Variants in BUD13 observed in about 807,000 individuals in gnomAD.
The protein encoded by BUD13 is BUD13 spliceosome associated protein.
Under a neutral mutation model 62.5 loss-of-function variants are expected in BUD13, and 47 were observed. The observed-to-expected ratio is 0.75, with a 90% CI of 0.60 to 0.96. The LOEUF (loss-of-function observed/expected upper bound fraction) is 0.96. BUD13 is among the 40% of genes least tolerant of loss of function. BUD13 has a pLI of 0.00. For synonymous variants in BUD13, 293 were observed against 280.1 expected (o/e 1.05, Z -0.46); for missense variants, 821 against 790.9 (o/e 1.04, Z -0.46).
At chr11:116,757,693 T>C (rs749422656) in intron 8 of BUD13, 73 bp downstream of exon 8, 12 of 1,408,502 alleles carry the variant, frequency 8.5e-6, no homozygotes, top group African/African-American at 1.4e-5. Context: ...TCTTTGCATA[T>C]AGCTATGTAT....
rs1311594761 is a variant in BUD13 at position 116,759,158 on chromosome 11, C to T, written c.1276G>A (p.Ala426Thr). The T allele has an allele frequency of 1.2e-6, 2 of 1,613,922 alleles. No homozygotes were observed. The highest frequency in any genetic ancestry group is 1.3e-5 in the African/African-American group (1 of 74,912). Residue 426 changes from alanine (A) to threonine (T), a missense_variant, in exon 6 of 10, where the codon GCT (alanine) becomes ACT (threonine). Physicochemically the swap from Ala to Thr is moderately conservative, Grantham distance 58 (BLOSUM62 0). Around this residue, in one of 2 missense-constraint regions of BUD13, gnomAD observed 800 missense variants for 739.2 expected, o/e 1.08. Transcript: ENST00000260210. ...GKKAAHMYSG[A>T]KTGLVLTDIQ... ...TCAGTTAACACCAACCCAGTTTTAG[C>T]CCCAGAATACATGTGTGCAGCCTAT...
chr11:116,748,345 C>T lies in BUD13; in HGVS notation c.*137G>A. 1 of 706,008 alleles carries T rather than the reference C, an allele frequency of 1.4e-6. No homozygotes were observed. Among genetic ancestry groups the T allele is most frequent in the South Asian group, 1.8e-5 (1 of 54,998 alleles). The allele number at this position is 706,008 out of a possible 1,614,324, so 43.7% of individuals were successfully genotyped here. On this transcript the variant is annotated 3_prime_UTR_variant, in exon 10 of 10. Coordinates refer to ENST00000260210, the MANE Select transcript of BUD13 (RefSeq NM_032725.4). ...CAAACATCAGGTCTCGAATATTCTT[C>T]TGTGGTCAAAACTGGCATTCAACAA...
At chr11:116,769,032 A>AAAAAC (rs1940580074) in intron 2 of BUD13, among the ~76,000 whole-genome samples, 1 of 151,410 alleles carries the variant, frequency 6.6e-6, no homozygotes, top group Admixed American at 6.6e-5. Context: ...AAAAAAAAAA[A>AAAAAC]AGAATTTTGC....
At chr11:116,771,342 C>G (rs1274634348) in intron 1 of BUD13, among the ~76,000 whole-genome samples, 1 of 152,080 alleles carries the variant, frequency 6.6e-6, no homozygotes, top group African/African-American at 2.4e-5. Context: ...TTTTTGTTCA[C>G]AGAGGCATCC....
At chr11:116,752,404 G>C (rs1455908938) in intron 9 of BUD13, among the ~76,000 whole-genome samples, 1 of 152,030 alleles carries the variant, frequency 6.6e-6, no homozygotes. Flanking sequence ...AAGCAAGGGT[G>C]ACAAAGGGAA....
chr11:116,769,578 C>G (rs1940586432), intron 2 of BUD13, among the ~76,000 whole-genome samples: 1 of 152,150 alleles, frequency 6.6e-6, no homozygotes, highest in South Asian at 2.1e-4. Flanking sequence ...ACACTGATGT[C>G]GAGAAGTCCT....
intron 2 of BUD13, 55 bp downstream of exon 2, chr11:116,770,073 AG>A: frequency 3.0e-6 from 4 of 1,352,460 alleles, no homozygotes; most frequent in South Asian, 2.6e-5. Context: ...AAAAAAAAAA[AG>A]GAAATTGAGA....
intron 8 of BUD13, among the ~76,000 whole-genome samples, 165 bp downstream of exon 8, chr11:116,757,601 G>A (rs1940352292): frequency 1.3e-5 from 2 of 151,980 alleles, no homozygotes; most frequent in Non-Finnish European, 2.9e-5. Context: ...CGCCTGGCCT[G>A]GAAAAATTTT....
chr11:116,772,901 C>T lies in BUD13; in HGVS notation c.64G>A (p.Ala22Thr), dbSNP rs35585096. 5.0e-6 allele frequency: 8 copies of T among 1,590,216 alleles called. No homozygotes were observed. In the Admixed American group the frequency reaches 5.1e-5, roughly 10 times the overall value. The change falls in exon 1 of 10, where the codon GCC (alanine) becomes ACC (threonine). Residue 22 changes from alanine to threonine, a missense_variant. Physicochemically the swap from Ala to Thr is moderately conservative, Grantham distance 58. Around this residue, in one of 2 missense-constraint regions of BUD13, gnomAD observed 800 missense variants for 739.2 expected, o/e 1.08. Transcript: ENST00000260210. ...GACTCAGATCCCCGGTCGACGCCGGCATCTGCCCCGGACAAGTAACGCTTC... is the reference window on the plus strand; with the variant it reads ...GACTCAGATCCCCGGTCGACGCCGGTATCTGCCCCGGACAAGTAACGCTTC... ...YLKRYLSGAD[A>T]GVDRGSESGR...
chr11:116,756,258 T>C (rs1404540054), intron 9 of BUD13, among the ~76,000 whole-genome samples: 2 of 151,978 alleles, frequency 1.3e-5, no homozygotes, highest in East Asian at 3.9e-4. Context: ...AAGCCTGTAA[T>C]ACCAGCACTT....
chr11:116,770,186 A>G lies in BUD13; in HGVS notation c.180T>C (p.Ala60=), dbSNP rs1472125053. 1.9e-6 allele frequency: 3 copies of G among 1,613,816 alleles called. No individual in the cohort carries two copies. Among genetic ancestry groups the G allele is most frequent in the Admixed American group, 3.3e-5 (2 of 59,988 alleles). ...RIVDDDVSWT[A]ISTTKLEKEE... ...CCTTTTCTAGTTTGGTTGTGGAGAT[A>G]GCTGTCCAGCTCACATCATCATCCA... Residue 60 remains alanine, a synonymous_variant, in exon 2 of 10, where the codon GCT becomes GCC. Transcript: ENST00000260210.
In BUD13 at chr11:116,765,320, C is replaced by A. The variant is rs188122251; in HGVS notation, c.322+42G>T. On this transcript the variant is annotated intron_variant, in intron 3 of 9. Transcript: ENST00000260210. ...GTATAGAAAAGGAAAAAAGATCTCCCCTACTAATGGAAATTTAGATTTATC... is the reference window on the plus strand; with the variant it reads ...GTATAGAAAAGGAAAAAAGATCTCCACTACTAATGGAAATTTAGATTTATC... 92 of 1,587,590 alleles carry A rather than the reference C, an allele frequency of 5.8e-5. 1 individual carries two copies. The East Asian group carries it at 1.4e-3, about 25-fold the overall frequency.
At position 116,763,232 on chromosome 11, in the gene BUD13, A is replaced by G; in HGVS notation, c.357T>C (p.Phe119=). 1 of 1,548,324 alleles carries G rather than the reference A, an allele frequency of 6.5e-7. No individual in the cohort carries two copies. The highest frequency in any genetic ancestry group is 8.7e-7 in the Non-Finnish European group (1 of 1,148,146). The change falls in exon 4 of 10, where the codon TTT becomes TTC. Residue 119 remains phenylalanine (F), a synonymous_variant. Coordinates refer to ENST00000260210, the MANE Select transcript of BUD13 (RefSeq NM_032725.4). ...HNEDLPSNRH[F]RHDTPDSSPR... is the part of the protein sequence containing the mutation. The stretch of plus-strand genomic sequence containing the variant: ...GAGATGAATCCGGGGTATCGTGACG[A>G]AAATGTCTGTTTGAGGGTAGGTCTT...
At chr11:116,765,916 C>A (rs1940523219) in intron 2 of BUD13, among the ~76,000 whole-genome samples, 1 of 152,212 alleles carries the variant, frequency 6.6e-6, no homozygotes, top group South Asian at 2.1e-4. Flanking sequence ...AAAAGAGCCA[C>A]TGAGATGTAC....
intron 9 of BUD13, 111 bp from the exon 10 acceptor site, chr11:116,748,686 T>C (rs1444129908): frequency 5.2e-6 from 6 of 1,163,586 alleles, no homozygotes; most frequent in African/African-American, 3.1e-5. Flanking sequence ...TAAGGAGTCA[T>C]ATGAAAATAT....
chr11:116,752,858 T>C (rs562036960), intron 9 of BUD13, among the ~76,000 whole-genome samples: 3 of 152,290 alleles, frequency 2.0e-5, no homozygotes, highest in Admixed American at 2.0e-4. Flanking sequence ...CTTAAACTCC[T>C]GGGTTCAAGC....
In BUD13 at chr11:116,758,305, G is replaced by C. The variant is rs1432172441; in HGVS notation, c.1463C>G (p.Ser488Ter). The change falls in exon 7 of 10, where the codon TCA becomes TGA. Residue 488 changes from serine (S) to a stop codon, truncating the protein, a stop_gained. Coordinates refer to ENST00000260210, the MANE Select transcript of BUD13 (RefSeq NM_032725.4). LOFTEE classifies it high-confidence loss of function. ...LEQRRKAEKD[S>*]ERDELYAQWG... The stretch of plus-strand genomic sequence containing the variant: ...CTGGGCATACAGCTCATCTCTCTCT[G>C]AGTCCTTTTCTGCTTTCCTCCTTTG... 8 of 1,614,024 alleles carry C rather than the reference G, an allele frequency of 5.0e-6. No homozygotes were observed. The highest frequency in any genetic ancestry group is 5.1e-6 in the Non-Finnish European group (6 of 1,180,030).
At chr11:116,763,869 TA>T (rs1940483208) in intron 3 of BUD13, among the ~76,000 whole-genome samples, 4 of 152,042 alleles carry the variant, frequency 2.6e-5, no homozygotes, top group Non-Finnish European at 5.9e-5. Context: ...AAAATCACCA[TA>T]AAAAAGAAAG....
chr11:116,772,758 G>A (rs990803386), intron 1 of BUD13, 64 bp downstream of exon 1: 43 of 1,438,486 alleles, frequency 3.0e-5, no homozygotes, highest in Non-Finnish European at 3.6e-5. Flanking sequence ...CCGGGCGGCC[G>A]AGGGCGGAGT....
Sources: gnomAD v4.1 joint callset for allele counts (sites outside exome capture counted in the v4.1 genomes callset) on GRCh38, gnomAD v4.1.1 for gene constraint, gnomAD v4.1.1 regional missense constraint, MANE v1.5 for transcripts, NCBI Gene and HGNC (gene_info 2026-07-23, HGNC 2026-07-21) for gene names.